Variants in WIPF2 observed in about 807,000 individuals in gnomAD.
WIPF2 encodes WAS/WASL-interacting protein family member 2.
WIPF2 carries 23 observed loss-of-function variants against 38.8 expected under a neutral mutation model. That is an observed-to-expected ratio of 0.59 (90% confidence interval 0.43 to 0.84). WIPF2 has a LOEUF of 0.84. Ranked by LOEUF, WIPF2 falls within the 40% of genes least tolerant of loss-of-function variation. The probability of loss-of-function intolerance (pLI) is 0.00; values close to 1 mark genes in which losing one functional copy is unlikely to be tolerated. For missense variants in WIPF2, 574 were observed against 580.5 expected, an observed-to-expected ratio of 0.99 and a Z score of 0.11; for synonymous variants, 210 against 223.2, an observed-to-expected ratio of 0.94 and a Z score of 0.53.
chr17:40,270,679 A>G (rs375093310), intron 5 of WIPF2, among the ~76,000 whole-genome samples: 3 of 152,148 alleles, frequency 2.0e-5, no homozygotes, highest in East Asian at 1.9e-4. Flanking sequence ...AGAAGCTTCT[A>G]TTCTTAAAGA....
rs1321211429 is a variant in WIPF2 at position 40,281,727 on chromosome 17, C to T, written c.*3502C>T. ...CTCAGGGTTGGGGTGTGTTTTAATT[C>T]TCCTGATCACTTGAAATAATCTGTA... On this transcript the variant is annotated 3_prime_UTR_variant, in exon 8 of 8. Coordinates refer to ENST00000323571, the MANE Select transcript of WIPF2 (RefSeq NM_133264.5). 2 of 152,454 alleles carry T rather than the reference C, an allele frequency of 1.3e-5. No individual in the cohort carries two copies. Among genetic ancestry groups the T allele is most frequent in the Non-Finnish European group, 2.9e-5 (2 of 68,022 alleles). The allele number at this position is 152,454 out of a possible 1,614,324, so 9.4% of individuals were successfully genotyped here.
chr17:40,274,735 G>C (rs1364383798), intron 6 of WIPF2, among the ~76,000 whole-genome samples: 1 of 151,206 alleles, frequency 6.6e-6, no homozygotes, highest in Non-Finnish European at 1.5e-5. Flanking sequence ...TTTAGCCCAG[G>C]AACTCAAGAC....
intron 1 of WIPF2, among the ~76,000 whole-genome samples, chr17:40,220,999 G>C (rs934041987): frequency 5.9e-5 from 9 of 151,706 alleles, no homozygotes; most frequent in African/African-American, 1.9e-4. Flanking sequence ...AGGATGGATG[G>C]TCTGGATCTC....
rs980193529 is a variant in WIPF2 at position 40,266,387 on chromosome 17, T to C, written c.970+1241T>C. 3.3e-5 allele frequency among the ~76,000 whole-genome samples: 5 copies of C among 151,662 alleles called. No homozygotes were observed. The South Asian group carries it at 1.0e-3, about 32-fold the overall frequency. ...AGAATGTGATGGAAAAACTCCAAGGTAGAGTAAGTGGTCAGCTGTGCCCAG... is the reference window on the plus strand; with the variant it reads ...AGAATGTGATGGAAAAACTCCAAGGCAGAGTAAGTGGTCAGCTGTGCCCAG... On this transcript the variant is annotated intron_variant, in intron 5 of 7. Transcript: ENST00000323571.
At position 40,264,776 on chromosome 17, in the gene WIPF2, C is replaced by T; in HGVS notation, c.600C>T (p.Ala200=). The change falls in exon 5 of 8, where the codon GCC becomes GCT. Residue 200 remains alanine, a synonymous_variant. Transcript: ENST00000323571. ...CTCTGCCTATGCACAGCAGCAAAGC[C>T]CCCGCCTACAACAGAGAGAAACCCT... The part of the protein sequence containing the change: ...PTPLPMHSSK[A]PAYNREKPLP... 6.2e-7 allele frequency: 1 copy of T among 1,607,748 alleles called. No individual in the cohort carries two copies. Among genetic ancestry groups the T allele is most frequent in the East Asian group, 2.2e-5 (1 of 44,814 alleles).
chr17:40,253,409 C>T (rs1271702828), intron 1 of WIPF2, among the ~76,000 whole-genome samples: 1 of 152,154 alleles, frequency 6.6e-6, no homozygotes, highest in Non-Finnish European at 1.5e-5. Flanking sequence ...ATGCTGTGGG[C>T]ACTTTGGAAT....
chr17:40,273,498 A>G (rs2032302689), intron 5 of WIPF2: 1 of 395,740 alleles, frequency 2.5e-6, no homozygotes, highest in Admixed American at 4.5e-5. Context: ...AACAGGCTAA[A>G]TATAAGGAAG....
Position 40,264,655 on chromosome 17 carries a change from C to G in WIPF2, c.479C>G (p.Ser160Cys). 2 of 1,613,798 alleles carry G rather than the reference C, an allele frequency of 1.2e-6. No homozygotes were observed. Among genetic ancestry groups the G allele is most frequent in the Admixed American group, 1.7e-5 (1 of 59,982 alleles). Residue 160 changes from serine to cysteine, a missense_variant, in exon 5 of 8, where the codon TCT becomes TGT. Ser to Cys is a moderately radical substitution (Grantham distance 112). Transcript: ENST00000323571. ...CAGAGACCCTCTTTACCGGACCTCTCTCGGCCTAATACCACCAGCAGTACG... is the reference window on the plus strand; with the variant it reads ...CAGAGACCCTCTTTACCGGACCTCTGTCGGCCTAATACCACCAGCAGTACG... ...RMQRPSLPDL[S>C]RPNTTSSTGM...
chr17:40,239,761 A>G (rs543044986), intron 1 of WIPF2, among the ~76,000 whole-genome samples: 7 of 129,760 alleles, frequency 5.4e-5, no homozygotes, highest in South Asian at 2.3e-4. Flanking sequence ...CAGTGGCGCT[A>G]TCTTGGCCCA....
At chr17:40,237,118 G>A (rs1416822887) in intron 1 of WIPF2, among the ~76,000 whole-genome samples, 2 of 151,430 alleles carry the variant, frequency 1.3e-5, no homozygotes, top group East Asian at 1.9e-4. Context: ...ATTATTTCTT[G>A]TATTGATAAT....
At chr17:40,271,053 G>A (rs1345391922) in intron 5 of WIPF2, among the ~76,000 whole-genome samples, 1 of 152,116 alleles carries the variant, frequency 6.6e-6, no homozygotes, top group Non-Finnish European at 1.5e-5. Context: ...GCTTATTGCA[G>A]CCTCCATCTC....
At chr17:40,277,019 C>G in intron 6 of WIPF2, 64 bp from the exon 7 acceptor site, 1 of 1,392,034 alleles carries the variant, frequency 7.2e-7, no homozygotes. Context: ...AGGGTCGAAG[C>G]GATCAGAGGC....
chr17:40,228,004 CTTTTTG>C (rs2030565994), intron 1 of WIPF2, among the ~76,000 whole-genome samples: 7 of 119,932 alleles, frequency 5.8e-5, no homozygotes, highest in Admixed American at 8.7e-5. Flanking sequence ...TTTTATACCT[CTTTTTG>C]TTTTTTTTTT....
At chr17:40,250,433 T>C (rs1039001738) in intron 1 of WIPF2, among the ~76,000 whole-genome samples, 1 of 148,654 alleles carries the variant, frequency 6.7e-6, no homozygotes, top group Admixed American at 6.7e-5. Flanking sequence ...TTTTTTTTAG[T>C]AGAGACAGGG....
At chr17:40,269,781 A>G (rs1417914000) in intron 5 of WIPF2, among the ~76,000 whole-genome samples, 1 of 149,856 alleles carries the variant, frequency 6.7e-6, no homozygotes, top group African/African-American at 2.4e-5. Context: ...ATTTTTTTGT[A>G]TCTTTAGTAG....
chr17:40,229,555 G>A (rs1306169203), intron 1 of WIPF2, among the ~76,000 whole-genome samples: 1 of 152,064 alleles, frequency 6.6e-6, no homozygotes, highest in Non-Finnish European at 1.5e-5. Flanking sequence ...AAGTAGCTGG[G>A]ACTACAGGTG....
chr17:40,225,797 C>T (rs1356517687), intron 1 of WIPF2, among the ~76,000 whole-genome samples: 2 of 152,124 alleles, frequency 1.3e-5, no homozygotes, highest in Non-Finnish European at 2.9e-5. Flanking sequence ...GCTGGGACTA[C>T]AGGCGCACGC....
At chr17:40,260,879 A>G in intron 3 of WIPF2, 2 of 603,658 alleles carry the variant, frequency 3.3e-6, no homozygotes, top group Admixed American at 2.5e-5. Flanking sequence ...CTCACCGGGC[A>G]TGGTGGCTCA....
At position 40,280,128 on chromosome 17, in the gene WIPF2, T is replaced by C. The variant is rs1774273476; in HGVS notation, c.*1903T>C. On this transcript the variant is annotated 3_prime_UTR_variant, in exon 8 of 8. Coordinates refer to ENST00000323571, the MANE Select transcript of WIPF2 (RefSeq NM_133264.5). ...TCATTTTTTATGTATCATTCTTCTTTCTAATCTGTTAGCAGTTATCTCCCA... is the reference window on the plus strand; with the variant it reads ...TCATTTTTTATGTATCATTCTTCTTCCTAATCTGTTAGCAGTTATCTCCCA... 1 of 152,226 alleles carries C rather than the reference T, an allele frequency of 6.6e-6. No individual in the cohort carries two copies. Among genetic ancestry groups the C allele is most frequent in the Non-Finnish European group, 1.5e-5 (1 of 68,058 alleles). The allele number at this position is 152,226 out of a possible 1,614,324, so 9.4% of individuals were successfully genotyped here. A position where few individuals can be genotyped will look rare whatever the true frequency, so the allele number is the denominator to read the frequency against.
Sources: allele counts gnomAD v4.1 joint callset (sites outside exome capture counted in the v4.1 genomes callset), GRCh38; gene constraint gnomAD v4.1.1; transcripts MANE v1.5; gene names NCBI Gene and HGNC (gene_info 2026-07-23, HGNC 2026-07-21).